PPARGC1B: variants seen among roughly 807,000 people sequenced by gnomAD.
The protein encoded by PPARGC1B is peroxisome proliferator-activated receptor gamma coactivator 1-beta.
Under a neutral mutation model 101.6 loss-of-function variants are expected in PPARGC1B, and 34 were observed. The ratio of observed to expected loss-of-function variants is 0.33; its 90% CI spans 0.25 to 0.45. The LOEUF (loss-of-function observed/expected upper bound fraction) is 0.45. PPARGC1B is among the 20% of genes least tolerant of loss of function. The pLI, the probability that PPARGC1B is intolerant of heterozygous loss-of-function variation, is 1.00. For missense variants in PPARGC1B, 1,234 were observed against 1,317.6 expected (o/e 0.94, Z 0.98); for synonymous variants, 548 against 539.3 (o/e 1.02, Z -0.22).
chr5:149,750,451 AAAAT>A (rs1164807430), intron 1 of PPARGC1B, among the ~76,000 whole-genome samples: 7 of 69,774 alleles, frequency 1.0e-4, no homozygotes, highest in African/African-American at 3.6e-4. Context: ...TGTTTTAGTT[AAAAT>A]ATATATATAT....
chr5:149,771,889 T>C, intron 1 of PPARGC1B: 1 of 725,754 alleles, frequency 1.4e-6, no homozygotes, highest in Admixed American at 3.8e-5. Flanking sequence ...AATTTCATCC[T>C]GTTTAAGTGA....
At chr5:149,815,647 T>C (rs1326022608) in intron 1 of PPARGC1B, among the ~76,000 whole-genome samples, 1 of 152,166 alleles carries the variant, frequency 6.6e-6, no homozygotes, top group East Asian at 1.9e-4. Context: ...CACTGCAATC[T>C]TTGCCATCCA....
At chr5:149,732,045 GGTGTGTGTGTGTGTGT>G (rs3042304) in intron 1 of PPARGC1B, among the ~76,000 whole-genome samples, 3 of 149,026 alleles carry the variant, frequency 2.0e-5, no homozygotes, top group Non-Finnish European at 4.5e-5. Context: ...TGCGCGCGCG[GGTGTGTGTGTGTGTGT>G]GTGTGTGTGT....
rs1339112173 is a variant in PPARGC1B, at chr5:149,842,244, C to T, written c.2695-12C>T. ...AATGACGGAGTCTCTCTCTGTCCTC[C>T]TTCTTGGGCAGGGGGAAGGCCGCGT... On this transcript the variant is annotated splice_polypyrimidine_tract_variant and intron_variant, in intron 9 of 11. Transcript: ENST00000309241. 1 of 1,611,914 alleles carries T rather than the reference C, an allele frequency of 6.2e-7. No homozygotes were observed. Among genetic ancestry groups the T allele is most frequent in the African/African-American group, 1.3e-5 (1 of 75,000 alleles).
At chr5:149,817,167 C>T (rs1758091214) in intron 1 of PPARGC1B, among the ~76,000 whole-genome samples, 1 of 152,206 alleles carries the variant, frequency 6.6e-6, no homozygotes, top group South Asian at 2.1e-4. Flanking sequence ...TACCTGGCTT[C>T]TCCTTCAAGA....
chr5:149,763,945 G>T (rs1210478408), intron 1 of PPARGC1B, among the ~76,000 whole-genome samples: 1 of 152,072 alleles, frequency 6.6e-6, no homozygotes, highest in Non-Finnish European at 1.5e-5. Flanking sequence ...CTTCCAAAGT[G>T]CTGGGATTAC....
chr5:149,830,785 G>T lies in PPARGC1B; in HGVS notation c.484G>T (p.Ala162Ser), dbSNP rs764252844. 7 of 1,613,988 alleles carry T rather than the reference G, an allele frequency of 4.3e-6. No homozygotes were observed. Among genetic ancestry groups the T allele is most frequent in the South Asian group, 3.3e-5 (3 of 91,068 alleles). ...CCCTCAGCTGCAGAAGCTCCTCCTG[G>T]CCACATCCTACCCAACATCAAGCTC... ...ELSLLQKLLL[A>S]TSYPTSSSDT... The change falls in exon 4 of 12, where the codon GCC becomes TCC. Residue 162 changes from alanine to serine, a missense_variant. Transcript: ENST00000309241.
At position 149,832,807 on chromosome 5, in the gene PPARGC1B, A is replaced by G. The variant is rs1235834560; in HGVS notation, c.734A>G (p.Lys245Arg). The G allele has an allele frequency of 6.2e-7, 1 of 1,611,876 alleles. No homozygotes were observed. Among genetic ancestry groups the G allele is most frequent in the Admixed American group, 1.7e-5 (1 of 59,888 alleles). The change falls in exon 5 of 12, where the codon AAG becomes AGG. Residue 245 changes from lysine (K) to arginine (R), a missense_variant. This residue lies in a region of PPARGC1B where 734 missense variants were observed against 768.4 expected (regional missense o/e 0.96). Coordinates refer to ENST00000309241, the MANE Select transcript of PPARGC1B (RefSeq NM_133263.4). This position sits in a 1 kb window ranked among gnomAD's most constrained non-coding sequence, Gnocchi z 4.9. ...PCLQSPRLPA[K>R]EDKEPGEDCP... ...CTCCAGAGTCCCCGGCTCCCTGCCA[A>G]GGAGGACAAGGAGCCGGGTGAGGAC...
chr5:149,832,898 CG>C lies in PPARGC1B; in HGVS notation c.827del (p.Gly276ValfsTer68). On this transcript the variant is annotated frameshift_variant, in exon 5 of 12. Transcript: ENST00000309241. LOFTEE classifies it high-confidence loss of function. The surrounding 1 kb of genome is among the most constrained non-coding windows in gnomAD (Gnocchi z 4.9). Reference protein sequence around the residue: ...DSLALGRADPGAPVSQEDMQA... With the variant: ...DSLALGRADPXAPVSQEDMQA... Reference sequence around the variant, plus strand: ...CCCTAGCTCTGGGCAGGGCAGACCCCGGTGCCCCGGTTTCCCAGGAAGACAT... The same window carrying C: ...CCCTAGCTCTGGGCAGGGCAGACCCCGTGCCCCGGTTTCCCAGGAAGACAT... 6.2e-7 allele frequency: 1 copy of C among 1,612,962 alleles called. No individual in the cohort carries two copies. The highest frequency in any genetic ancestry group is 2.2e-5 in the East Asian group (1 of 44,874).
At chr5:149,803,563 C>G (rs1757500127) in intron 1 of PPARGC1B, among the ~76,000 whole-genome samples, 1 of 152,132 alleles carries the variant, frequency 6.6e-6, no homozygotes, top group East Asian at 1.9e-4. Flanking sequence ...CTTGTTCTGT[C>G]ATTGAGAGAG....
At position 149,832,122 on chromosome 5, in the gene PPARGC1B, C is replaced by T. The variant is rs549892354; in HGVS notation, c.583-534C>T. 3.3e-5 allele frequency among the ~76,000 whole-genome samples: 5 copies of T among 152,100 alleles called. No individual in the cohort carries two copies. The highest frequency in any genetic ancestry group is 3.9e-4 in the East Asian group (2 of 5,164). On this transcript the variant is annotated intron_variant, in intron 4 of 11. Coordinates refer to ENST00000309241, the MANE Select transcript of PPARGC1B (RefSeq NM_133263.4). This position sits in a 1 kb window ranked among gnomAD's most constrained non-coding sequence, Gnocchi z 4.9. ...AGGAGTTCAAGACCAGCCTGGCCAACGTGGTGAAACCTTGTCTCTACTAAA... is the reference window on the plus strand; with the variant it reads ...AGGAGTTCAAGACCAGCCTGGCCAATGTGGTGAAACCTTGTCTCTACTAAA...
At chr5:149,835,429 T>G (rs1759009519) in intron 7 of PPARGC1B, 64 bp downstream of exon 7, 2 of 1,437,944 alleles carry the variant, frequency 1.4e-6, no homozygotes, top group South Asian at 2.3e-5. Flanking sequence ...TCTGAGTTTT[T>G]CATCATGCAT....
chr5:149,818,392 G>C (rs980969189), intron 1 of PPARGC1B, among the ~76,000 whole-genome samples: 25 of 152,204 alleles, frequency 1.6e-4, no homozygotes, highest in African/African-American at 5.8e-4. Context: ...GGCAGGTGGT[G>C]GGCAGGGTGG....
Position 149,820,736 on chromosome 5 carries a change from T to C in PPARGC1B, c.252+130T>C, listed in dbSNP as rs1039674807. 8.6e-6 allele frequency: 8 copies of C among 929,030 alleles called. No individual in the cohort carries two copies. In the Admixed American group the frequency reaches 1.8e-4, roughly 21 times the overall value. 57.5% of individuals were successfully genotyped at this position (929,030 alleles called of 1,614,324 possible). On this transcript the variant is annotated intron_variant, in intron 2 of 11. Transcript: ENST00000309241. Reference sequence around the variant, plus strand: ...GAAATCCCCTCACCCACCAAAGCTGTTGGGCCCCGGTTTCTCGTGCTGGAT... The same window carrying C: ...GAAATCCCCTCACCCACCAAAGCTGCTGGGCCCCGGTTTCTCGTGCTGGAT...
intron 1 of PPARGC1B, among the ~76,000 whole-genome samples, chr5:149,740,834 G>C (rs1017719851): frequency 7.2e-5 from 11 of 152,182 alleles, no homozygotes; most frequent in Non-Finnish European, 1.5e-4. Flanking sequence ...CTCAATAAAT[G>C]GTGGTCACTA....
Position 149,800,139 on chromosome 5 carries a change from C to G in PPARGC1B, c.79-20294C>G, listed in dbSNP as rs528331524. On this transcript the variant is annotated intron_variant, in intron 1 of 11. Coordinates refer to ENST00000309241, the MANE Select transcript of PPARGC1B (RefSeq NM_133263.4). ...AACCAACTCCTTATTCCTATTTCCTCCAACTCCTACTATTCTTGTGTGTCC... is the reference window on the plus strand; with the variant it reads ...AACCAACTCCTTATTCCTATTTCCTGCAACTCCTACTATTCTTGTGTGTCC... Among the ~76,000 whole-genome samples the G allele has an allele frequency of 3.8e-4, 58 of 152,290 alleles. 1 individual carries two copies. The Middle Eastern group carries it at 0.014, about 36-fold the overall frequency.
At position 149,852,059 on chromosome 5, in the gene PPARGC1B, T is replaced by A. The variant is rs912958165; in HGVS notation, c.*4501T>A. 6.6e-6 allele frequency: 1 copy of A among 152,312 alleles called. No homozygotes were observed. The highest frequency in any genetic ancestry group is 1.5e-5 in the Non-Finnish European group (1 of 68,122). 9.4% of individuals were successfully genotyped at this position (152,312 alleles called of 1,614,324 possible). Reference sequence around the variant, plus strand: ...GAGAGAGCAGAGATGCCTTTGGAGATGTCAGCAGCAGGAGAGCCAGTGCTG... The same window carrying A: ...GAGAGAGCAGAGATGCCTTTGGAGAAGTCAGCAGCAGGAGAGCCAGTGCTG... On this transcript the variant is annotated 3_prime_UTR_variant, in exon 12 of 12. Coordinates refer to ENST00000309241, the MANE Select transcript of PPARGC1B (RefSeq NM_133263.4).
chr5:149,773,459 G>C (rs1424172886), intron 1 of PPARGC1B, among the ~76,000 whole-genome samples: 2 of 152,244 alleles, frequency 1.3e-5, no homozygotes, highest in Non-Finnish European at 2.9e-5. Context: ...CCCGTGGGCA[G>C]GAGTGGGGCA....
Position 149,812,826 on chromosome 5 carries a change from C to T in PPARGC1B, c.79-7607C>T, listed in dbSNP as rs1014120995. Among the ~76,000 whole-genome samples the T allele has an allele frequency of 2.2e-4, 34 of 152,190 alleles. 1 individual carries two copies. Among genetic ancestry groups the T allele is most frequent in the African/African-American group, 6.5e-4 (27 of 41,442 alleles). Reference sequence around the variant, plus strand: ...TAGCCATAGGATACTTTAATTGGCCCGGATGTGCTTCCCTGGATTGCCTGG... The same window carrying T: ...TAGCCATAGGATACTTTAATTGGCCTGGATGTGCTTCCCTGGATTGCCTGG... On this transcript the variant is annotated intron_variant, in intron 1 of 11. Coordinates refer to ENST00000309241, the MANE Select transcript of PPARGC1B (RefSeq NM_133263.4).
Sources: gnomAD v4.1 joint callset for allele counts (sites outside exome capture counted in the v4.1 genomes callset) on GRCh38, gnomAD v4.1.1 for gene constraint, gnomAD v4.1.1 regional missense constraint, Gnocchi (gnomAD v3.1) non-coding constraint, MANE v1.5 for transcripts, NCBI Gene and HGNC (gene_info 2026-07-23, HGNC 2026-07-21) for gene names.